CACNA1I: variants seen among roughly 807,000 people sequenced by gnomAD.
The protein encoded by CACNA1I is voltage-dependent T-type calcium channel subunit alpha-1I.
A neutral mutation model predicts 201.6 loss-of-function variants in CACNA1I; 74 were observed. The observed-to-expected ratio is 0.37, with a 90% CI of 0.30 to 0.45. The LOEUF (loss-of-function observed/expected upper bound fraction) is 0.45, where lower values mean the gene tolerates loss of function less well. Ranked by LOEUF, CACNA1I falls within the 20% of genes least tolerant of loss-of-function variation. The pLI, the probability that CACNA1I is intolerant of heterozygous loss-of-function variation, is 1.00. For missense variants in CACNA1I, 2,346 were observed against 3,138.1 expected (o/e 0.75, Z 6.03); for synonymous variants, 1,431 against 1,345.2 (o/e 1.06, Z -1.40).
At chr22:39,671,096 G>A in intron 26 of CACNA1I, 142 bp downstream of exon 26, 1 of 738,146 alleles carries the variant, frequency 1.4e-6, no homozygotes, top group Non-Finnish European at 2.2e-6. Flanking sequence ...TCTATGCTGG[G>A]CACTGCAGTG....
intron 1 of CACNA1I, among the ~76,000 whole-genome samples, chr22:39,586,486 C>T (rs1482393504): frequency 1.4e-5 from 2 of 144,704 alleles, no homozygotes; most frequent in Admixed American, 1.3e-4. Flanking sequence ...AATTAGACTC[C>T]GTCTCTAAAA....
At chr22:39,605,461 G>A (rs767769714) in intron 3 of CACNA1I, among the ~76,000 whole-genome samples, 12 of 152,140 alleles carry the variant, frequency 7.9e-5, no homozygotes, top group Admixed American at 7.9e-4. Context: ...GGCTCCCACC[G>A]GATGGTACCA....
chr22:39,686,367 C>A lies in CACNA1I; in HGVS notation c.6634C>A (p.Leu2212Met). The A allele has an allele frequency of 7.6e-7, 1 of 1,310,460 alleles. No individual in the cohort carries two copies. Among genetic ancestry groups the A allele is most frequent in the Non-Finnish European group, 9.7e-7 (1 of 1,027,118 alleles). 81.2% of individuals were successfully genotyped at this position (1,310,460 alleles called of 1,614,324 possible). ...APPPQPLPGE[L>M]EPGDAASKRK... is the part of the protein sequence containing the mutation. ...CCCGCCGCAACCGCTCCCCGGAGAG[C>A]TGGAGCCGGGAGACGCCGCCAGCAA... Residue 2212 changes from leucine to methionine, a missense_variant, in exon 37 of 37, where the codon CTG (leucine) becomes ATG (methionine). By Grantham distance (15) the Leu-to-Met change is conservative (BLOSUM62 2). This residue lies in a region of CACNA1I where 187 missense variants were observed against 151.0 expected (regional missense o/e 1.24). Transcript: ENST00000402142.
rs375043199 is a variant in CACNA1I, at chr22:39,679,226, G to A, written c.5175G>A (p.Val1725=). The change falls in exon 32 of 37, where the codon GTG becomes GTA. Residue 1725 remains valine (V), a synonymous_variant. Coordinates refer to ENST00000402142, the MANE Select transcript of CACNA1I (RefSeq NM_021096.4). Reference sequence around the variant, plus strand: ...CGCAGTTCGTGCTCATCAACGTGGTGGTGGCTGTGCTCATGAAGCACCTGG... The same window carrying A: ...CGCAGTTCGTGCTCATCAACGTGGTAGTGGCTGTGCTCATGAAGCACCTGG... ...LTAQFVLINV[V]VAVLMKHLDD... 1.1e-5 allele frequency: 17 copies of A among 1,593,896 alleles called. No homozygotes were observed. Among genetic ancestry groups the A allele is most frequent in the Non-Finnish European group, 1.4e-5 (16 of 1,171,278 alleles).
intron 3 of CACNA1I, 44 bp downstream of exon 3, chr22:39,600,697 C>G: frequency 1.3e-6 from 2 of 1,539,790 alleles, no homozygotes; most frequent in Non-Finnish European, 1.7e-6. Context: ...TGGTGCACAC[C>G]AGGCATAATT....
intron 10 of CACNA1I, among the ~76,000 whole-genome samples, chr22:39,650,288 C>T (rs1934609496): frequency 6.6e-6 from 1 of 151,382 alleles, no homozygotes; most frequent in Non-Finnish European, 1.5e-5. Context: ...CCACCTGAGC[C>T]CTTCTGTTTT....
chr22:39,649,813 G>A lies in CACNA1I; in HGVS notation c.1880G>A (p.Arg627Gln), dbSNP rs376968152. The A allele has an allele frequency of 4.7e-5, 76 of 1,612,056 alleles. No individual in the cohort carries two copies. Among genetic ancestry groups the A allele is most frequent in the Middle Eastern group, 3.3e-4 (2 of 6,062 alleles). Reference protein sequence around the residue: ...GAVWLCGDVWRETRAKLRGIV... With the variant: ...GAVWLCGDVWQETRAKLRGIV... Reference sequence around the variant, plus strand: ...GTCTGGCTGTGCGGGGATGTGTGGCGGGAGACGCGAGCCAAGCTGCGCGGC... The same window carrying A: ...GTCTGGCTGTGCGGGGATGTGTGGCAGGAGACGCGAGCCAAGCTGCGCGGC... The change falls in exon 10 of 37, where the codon CGG (arginine) becomes CAG (glutamine). Residue 627 changes from arginine to glutamine, a missense_variant. By Grantham distance (43) the Arg-to-Gln change is conservative. Coordinates refer to ENST00000402142, the MANE Select transcript of CACNA1I (RefSeq NM_021096.4). The surrounding 1 kb of genome is among the most constrained non-coding windows in gnomAD (Gnocchi z 7.3).
In CACNA1I at chr22:39,684,898, G is replaced by T. The variant is rs1314944392; in HGVS notation, c.6027+400G>T. ...TGGGGGCTTGATTACTAGGAATGGA[G>T]GTGGGAGGGCGGGTCTGGTGGATGA... is the stretch of plus-strand genomic sequence containing the variant. On this transcript the variant is annotated intron_variant, in intron 36 of 36. Transcript: ENST00000402142. The surrounding 1 kb of genome is among the most constrained non-coding windows in gnomAD (Gnocchi z 4.6). 13 of 411,922 alleles carry T rather than the reference G, an allele frequency of 3.2e-5. No homozygotes were observed. The highest frequency in any genetic ancestry group is 5.7e-5 in the Non-Finnish European group (13 of 227,076). 25.5% of individuals were successfully genotyped at this position (411,922 alleles called of 1,614,324 possible).
Position 39,661,037 on chromosome 22 carries a change from G to A in CACNA1I, c.2699-71G>A, listed in dbSNP as rs141001512. On this transcript the variant is annotated intron_variant, in intron 15 of 36. Transcript: ENST00000402142. ...TGCTCCTTCCTTGTTTGTCTGTCTC[G>A]TGGCTCCCTTGCTGTTGTTCTGTCC... 5.4e-4 allele frequency: 654 copies of A among 1,217,828 alleles called. 4 individuals are homozygous for A. The African/African-American group carries it at 5.7e-3, about 11-fold the overall frequency. 75.4% of individuals were successfully genotyped at this position (1,217,828 alleles called of 1,614,324 possible).
intron 1 of CACNA1I, 51 bp downstream of exon 1, chr22:39,571,039 G>A: frequency 4.0e-6 from 6 of 1,492,522 alleles, no homozygotes; most frequent in Non-Finnish European, 5.6e-6. Flanking sequence ...CTGAAGGGTG[G>A]GGGGCTGGAT....
chr22:39,648,264 G>T lies in CACNA1I; in HGVS notation c.1567+338G>T, dbSNP rs1380617625. ...CCATCCAGGCGTGGGCTCGGAGGAG[G>T]CCCCAGGTGGCCCGTGGGCAGGCCC... On this transcript the variant is annotated intron_variant, in intron 9 of 36. Transcript: ENST00000402142. The surrounding 1 kb of genome is among the most constrained non-coding windows in gnomAD (Gnocchi z 5.4). Among the ~76,000 whole-genome samples the T allele has an allele frequency of 6.6e-6, 1 of 152,128 alleles. No individual in the cohort carries two copies. Among genetic ancestry groups the T allele is most frequent in the East Asian group, 1.9e-4 (1 of 5,152 alleles).
chr22:39,628,808 C>G (rs1027954497), intron 4 of CACNA1I, among the ~76,000 whole-genome samples: 20 of 152,306 alleles, frequency 1.3e-4, no homozygotes, highest in African/African-American at 3.8e-4. Flanking sequence ...CCCCAGTGGC[C>G]AGGCCACAGC....
intron 3 of CACNA1I, among the ~76,000 whole-genome samples, chr22:39,616,588 A>G (rs965603185): frequency 6.6e-6 from 1 of 152,096 alleles, no homozygotes; most frequent in African/African-American, 2.4e-5. Context: ...AACATGGAGA[A>G]ACTCCATCTC....
In CACNA1I at chr22:39,666,154, G is replaced by C. The variant is rs1163364947; in HGVS notation, c.4104+148G>C. 2.9e-6 allele frequency: 3 copies of C among 1,030,196 alleles called. No individual in the cohort carries two copies. Among genetic ancestry groups the C allele is most frequent in the Non-Finnish European group, 4.3e-6 (3 of 701,706 alleles). 63.8% of individuals were successfully genotyped at this position (1,030,196 alleles called of 1,614,324 possible). On this transcript the variant is annotated intron_variant, in intron 23 of 36. Transcript: ENST00000402142. The surrounding 1 kb of genome is among the most constrained non-coding windows in gnomAD (Gnocchi z 4.1). ...CCTCAGTTTCCTCTTCTGCAAAATG[G>C]GTAAGGGTAGCACTCACCTCTCAGG...
rs1200065688 is a variant in CACNA1I, at chr22:39,662,203, C to T, written c.3140C>T (p.Ala1047Val). Residue 1047 changes from alanine (A) to valine (V), a missense_variant, in exon 17 of 37, where the codon GCG (alanine) becomes GTG (valine). Transcript: ENST00000402142. ...AHHIHHGPHL[A>V]HRHRHHRRTL... ...CACATTCATCACGGGCCCCATCTGG[C>T]GCACCGCCACCGCCACCACCGCCGG... The T allele has an allele frequency of 3.3e-6, 5 of 1,529,062 alleles. No individual in the cohort carries two copies. The highest frequency in any genetic ancestry group is 2.8e-5 in the African/African-American group (2 of 70,196). 94.7% of individuals were successfully genotyped at this position (1,529,062 alleles called of 1,614,324 possible).
At position 39,646,787 on chromosome 22, in the gene CACNA1I, C is replaced by A; in HGVS notation, c.1368C>A (p.Leu456=). 1 of 1,569,470 alleles carries A rather than the reference C, an allele frequency of 6.4e-7. No individual in the cohort carries two copies. Among genetic ancestry groups the A allele is most frequent in the East Asian group, 2.4e-5 (1 of 42,112 alleles). The change falls in exon 8 of 37, where the codon CTC becomes CTA. Residue 456 remains leucine, a synonymous_variant. Transcript: ENST00000402142. ...AGGCCAAGCGCCGCGCCCTGGGCCT[C>A]TACCAGGCCCTGCAGAGCCGGCGCC... ...LRKAKRRALG[L]YQALQSRRQA...
At chr22:39,626,700 G>A (rs1311905700) in intron 4 of CACNA1I, among the ~76,000 whole-genome samples, 4 of 151,946 alleles carry the variant, frequency 2.6e-5, no homozygotes, top group East Asian at 1.9e-4. Flanking sequence ...GGGTTCAAGC[G>A]ATTCTCCTGC....
intron 1 of CACNA1I, among the ~76,000 whole-genome samples, chr22:39,582,326 G>T (rs1209274722): frequency 6.6e-6 from 1 of 152,152 alleles, no homozygotes. Flanking sequence ...GACTTTGCCT[G>T]CCAGGGGACA....
Position 39,659,819 on chromosome 22 carries a change from G to A in CACNA1I, c.2571G>A (p.Leu857=). The change falls in exon 14 of 37, where the codon CTG becomes CTA. Residue 857 remains leucine (L), a synonymous_variant. Transcript: ENST00000402142. This position sits in a 1 kb window ranked among gnomAD's most constrained non-coding sequence, Gnocchi z 4.3. ...GCAACTATGTGCTCTTCAACCTGCT[G>A]GTGGCCATCCTGGTGGAGGGCTTCC... ...TFGNYVLFNL[L]VAILVEGFQA... is the part of the protein sequence containing the mutation. 1 of 1,613,902 alleles carries A rather than the reference G, an allele frequency of 6.2e-7. No individual in the cohort carries two copies. Among genetic ancestry groups the A allele is most frequent in the Non-Finnish European group, 8.5e-7 (1 of 1,179,870 alleles).
Sources: gnomAD v4.1 joint callset for allele counts (sites outside exome capture counted in the v4.1 genomes callset) on GRCh38, gnomAD v4.1.1 for gene constraint, gnomAD v4.1.1 regional missense constraint, Gnocchi (gnomAD v3.1) non-coding constraint, MANE v1.5 for transcripts, NCBI Gene and HGNC (gene_info 2026-07-23, HGNC 2026-07-21) for gene names.